PUDP: variants seen among roughly 807,000 people sequenced by gnomAD.
The protein encoded by PUDP is pseudouridine-5'-phosphatase.
PUDP carries 8 observed loss-of-function variants against 9.4 expected under a neutral mutation model. The observed-to-expected ratio is 0.85, with a 90% CI of 0.50 to 1.53. The LOEUF (loss-of-function observed/expected upper bound fraction) is 1.53. Among genes scored for constraint, PUDP ranks in the 40% most tolerant of loss-of-function variants. The pLI is 0.00. For missense variants in PUDP, 188 were observed against 189.7 expected (o/e 0.99, Z 0.05); for synonymous variants, 99 against 80.7 (o/e 1.23, Z -1.22).
chrX:7,132,393 T>C (rs1160936172), intron 1 of PUDP, among the ~76,000 whole-genome samples: 1 of 112,127 alleles, frequency 8.9e-6, no homozygotes, highest in Non-Finnish European at 1.9e-5. Flanking sequence ...AAGCCATTTA[T>C]TGTAACCACC....
intron 3 of PUDP, among the ~76,000 whole-genome samples, chrX:6,732,523 C>T (rs1024216522): frequency 1.0e-5 from 1 of 99,583 alleles, no homozygotes; most frequent in Non-Finnish European, 2.0e-5. Flanking sequence ...TAGAGGCACA[C>T]GTGAGGTAAG....
chrX:7,044,345 GATGTTCAAAC>G (rs1434096869), downstream of PUDP, among the ~76,000 whole-genome samples: 1 of 112,338 alleles, frequency 8.9e-6, no homozygotes, highest in African/African-American at 3.2e-5. Context: ...AGCATGGGTA[GATGTTCAAAC>G]ATGTTAGGAC....
intron 3 of PUDP, among the ~76,000 whole-genome samples, chrX:7,065,165 GA>G (rs1206535460): frequency 2.7e-5 from 3 of 111,277 alleles, no homozygotes; most frequent in African/African-American, 9.8e-5. Flanking sequence ...ACCAAAAAAA[GA>G]AAAAACAAAA....
At chrX:7,093,929 G>A (rs972882732) in intron 2 of PUDP, among the ~76,000 whole-genome samples, 6 of 110,607 alleles carry the variant, frequency 5.4e-5, no homozygotes, top group East Asian at 2.9e-4. Flanking sequence ...AATATAGTAG[G>A]GCCCTGTCTC....
intron 1 of PUDP, among the ~76,000 whole-genome samples, chrX:7,124,390 G>A (rs1298537495): frequency 3.6e-5 from 4 of 111,758 alleles, no homozygotes; most frequent in African/African-American, 1.3e-4. Flanking sequence ...AAAGCACTGC[G>A]TGGAGGGAAA....
At chrX:7,083,960 A>G (rs1483583314) in intron 2 of PUDP, among the ~76,000 whole-genome samples, 4 of 111,962 alleles carry the variant, frequency 3.6e-5, no homozygotes, top group Non-Finnish European at 7.5e-5. Context: ...AACATTGACA[A>G]TATTCAAATA....
intron 3 of PUDP, among the ~76,000 whole-genome samples, chrX:6,919,105 G>C (rs1569123382): frequency 9.0e-6 from 1 of 111,720 alleles, no homozygotes; most frequent in Non-Finnish European, 1.9e-5. Flanking sequence ...CTTTAGATAT[G>C]TTTAATACAA....
At chrX:7,126,164 G>A (rs1362440602) in intron 1 of PUDP, among the ~76,000 whole-genome samples, 1 of 112,137 alleles carries the variant, frequency 8.9e-6, no homozygotes, top group African/African-American at 3.2e-5. Flanking sequence ...AGACACATGA[G>A]TGACCATGTC....
chrX:6,937,047 C>T (rs1287924946), intron 3 of PUDP, among the ~76,000 whole-genome samples: 1 of 106,011 alleles, frequency 9.4e-6, no homozygotes, highest in African/African-American at 3.4e-5. Context: ...GTGAAAATGG[C>T]CATACTGCCC....
At chrX:7,080,758 T>C (rs1047995233) in intron 2 of PUDP, among the ~76,000 whole-genome samples, 4 of 110,794 alleles carry the variant, frequency 3.6e-5, no homozygotes, top group Admixed American at 2.9e-4. Flanking sequence ...AGGCTCTAAT[T>C]TTTTTAAAAA....
In PUDP at chrX:6,786,367, A is replaced by C. The variant is rs148548551; in HGVS notation, c.*248-79901T>G. On this transcript the variant is annotated intron_variant and NMD_transcript_variant, in intron 3 of 3. Coordinates refer to the PUDP transcript ENST00000655425. ...ATGAAGAATAGTAGTATCTCAGTTC[A>C]AGAGACCTGTCTTACACAGATTACA... is the stretch of plus-strand genomic sequence containing the variant. 6.1e-4 allele frequency among the ~76,000 whole-genome samples: 68 copies of C among 111,897 alleles called. No homozygotes were observed. In the East Asian group the frequency reaches 0.015, roughly 25 times the overall value.
intron 3 of PUDP, among the ~76,000 whole-genome samples, chrX:6,892,103 C>T (rs1927525437): frequency 8.9e-6 from 1 of 112,275 alleles, no homozygotes; most frequent in South Asian, 3.7e-4. Context: ...ATTTACATTT[C>T]ATTTTCAGAT....
intron 1 of PUDP, among the ~76,000 whole-genome samples, chrX:7,003,260 A>C (rs1239925960): frequency 9.0e-6 from 1 of 111,499 alleles, no homozygotes. Flanking sequence ...TAAAACTATA[A>C]AGAAAAGCCA....
chrX:6,751,957 T>C (rs974414300), intron 3 of PUDP, among the ~76,000 whole-genome samples: 3 of 110,998 alleles, frequency 2.7e-5, no homozygotes, highest in Non-Finnish European at 3.8e-5. Flanking sequence ...TTGTTCTCTC[T>C]CTTCCATCAG....
At chrX:6,886,892 GA>G (rs1569117277) in intron 3 of PUDP, among the ~76,000 whole-genome samples, 1 of 109,748 alleles carries the variant, frequency 9.1e-6, no homozygotes, top group African/African-American at 3.3e-5. Context: ...CTTGAAATTA[GA>G]AACACATTTT....
chrX:6,914,986 G>T (rs980612133), intron 3 of PUDP, among the ~76,000 whole-genome samples: 2 of 111,837 alleles, frequency 1.8e-5, no homozygotes, highest in African/African-American at 6.5e-5. Context: ...AAAGCATGTT[G>T]GTGTTCAATT....
intron 3 of PUDP, among the ~76,000 whole-genome samples, chrX:6,808,193 G>A (rs1926083758): frequency 9.0e-6 from 1 of 111,184 alleles, no homozygotes; most frequent in Non-Finnish European, 1.9e-5. Flanking sequence ...TACATAGAGT[G>A]ATACATATCT....
intron 1 of PUDP, among the ~76,000 whole-genome samples, chrX:7,143,559 C>G (rs1298395145): frequency 1.8e-5 from 2 of 112,009 alleles, no homozygotes; most frequent in Non-Finnish European, 3.8e-5. Flanking sequence ...ACAGAAACAG[C>G]TGCAGTGGAC....
At chrX:6,821,189 C>A (rs1461790914) in intron 3 of PUDP, among the ~76,000 whole-genome samples, 1 of 111,239 alleles carries the variant, frequency 9.0e-6, no homozygotes, top group African/African-American at 3.3e-5. Flanking sequence ...CAGCAAGACA[C>A]CTTGATGTAA....
Sources: gnomAD v4.1 joint callset for allele counts (sites outside exome capture counted in the v4.1 genomes callset) on GRCh38, gnomAD v4.1.1 for gene constraint, MANE v1.5 for transcripts, NCBI Gene and HGNC (gene_info 2026-07-23, HGNC 2026-07-21) for gene names.